The following FOXP2 variants were observed in gnomAD, a reference collection of about 807,000 sequenced individuals.
The protein encoded by FOXP2 is forkhead box P2.
A neutral mutation model predicts 115.8 loss-of-function variants in FOXP2; 12 were observed. The ratio of observed to expected loss-of-function variants is 0.10; its 90% CI spans 0.07 to 0.17. FOXP2 has a LOEUF of 0.17. FOXP2 is among the 10% of genes least tolerant of loss of function. The pLI, the probability that FOXP2 is intolerant of heterozygous loss-of-function variation, is 1.00. For missense variants in FOXP2, 629 were observed against 843.5 expected, an observed-to-expected ratio of 0.75 and a Z score of 3.15; for synonymous variants, 328 against 297.7, an observed-to-expected ratio of 1.10 and a Z score of -1.05.
chr7:114,447,354 C>G (rs891626236), intron 2 of FOXP2, among the ~76,000 whole-genome samples: 1 of 151,906 alleles, frequency 6.6e-6, no homozygotes, highest in African/African-American at 2.4e-5. Context: ...GGGTAAGCAC[C>G]CAGAAGATAC....
rs1005583281 is a variant in FOXP2, at chr7:114,447,725, C to T, written c.168+21046C>T. 2.0e-5 allele frequency among the ~76,000 whole-genome samples: 3 copies of T among 152,102 alleles called. 1 individual carries two copies. Among genetic ancestry groups the T allele is most frequent in the South Asian group, 4.1e-4 (2 of 4,824 alleles). Reference sequence around the variant, plus strand: ...ATTTCGGGGAGTCTCTATCTACCTACCCCCGACCCATACACAAATGCATAC... The same window carrying T: ...ATTTCGGGGAGTCTCTATCTACCTATCCCCGACCCATACACAAATGCATAC... On this transcript the variant is annotated intron_variant, in intron 2 of 16. Coordinates refer to ENST00000350908, the MANE Select transcript of FOXP2 (RefSeq NM_014491.4).
intron 2 of FOXP2, among the ~76,000 whole-genome samples, chr7:114,330,842 T>C (rs754641243): frequency 3.3e-5 from 5 of 152,180 alleles, no homozygotes; most frequent in Non-Finnish European, 7.3e-5. Flanking sequence ...TAAGCTGAGA[T>C]AGCTGAAGAG....
At chr7:114,102,683 C>A (rs1791011021) in intron 1 of FOXP2, among the ~76,000 whole-genome samples, 1 of 133,336 alleles carries the variant, frequency 7.5e-6, no homozygotes, top group African/African-American at 2.7e-5. Context: ...TACACACATA[C>A]AAACACCACA....
At chr7:114,422,122 A>T (rs1250853764) in intron 1 of FOXP2, among the ~76,000 whole-genome samples, 3 of 151,754 alleles carry the variant, frequency 2.0e-5, no homozygotes, top group African/African-American at 7.2e-5. Flanking sequence ...TTTAAATTTG[A>T]TGCCTTACTT....
At chr7:114,595,724 T>A (rs1458061269) in intron 3 of FOXP2, among the ~76,000 whole-genome samples, 1 of 151,248 alleles carries the variant, frequency 6.6e-6, no homozygotes, top group African/African-American at 2.4e-5. Flanking sequence ...ACATGGGGAG[T>A]CAAAAAAGGT....
intron 2 of FOXP2, among the ~76,000 whole-genome samples, chr7:114,489,022 A>G (rs1488566476): frequency 6.6e-6 from 1 of 152,164 alleles, no homozygotes; most frequent in African/African-American, 2.4e-5. Context: ...TCCACCTGCA[A>G]AAACAGATGT....
In FOXP2 at chr7:114,151,029, G is replaced by A. The variant is rs533605363; in HGVS notation, c.-246-11915G>A. 5.8e-4 allele frequency among the ~76,000 whole-genome samples: 88 copies of A among 152,028 alleles called. 1 individual carries two copies. The highest frequency in any genetic ancestry group is 3.9e-3 in the South Asian group (19 of 4,818). On this transcript the variant is annotated intron_variant, in intron 1 of 19. Transcript: ENST00000635638. ...GGAAAAGCTTTGAAGGGGTCATAAT[G>A]TCTCATCTCAGTTGTTAGAAATGGC...
chr7:114,302,358 C>T (rs2129178515), intron 2 of FOXP2, among the ~76,000 whole-genome samples: 1 of 152,132 alleles, frequency 6.6e-6, no homozygotes, highest in East Asian at 1.9e-4. Flanking sequence ...TACAAATATT[C>T]ATGTATTAAT....
chr7:114,411,676 T>G (rs957634420), upstream of FOXP2, among the ~76,000 whole-genome samples: 8 of 152,156 alleles, frequency 5.3e-5, no homozygotes, highest in African/African-American at 1.4e-4. Context: ...TTTTTCCTGT[T>G]AGTTTGTTCT....
intron 2 of FOXP2, among the ~76,000 whole-genome samples, chr7:114,439,949 G>C (rs191115257): frequency 2.0e-5 from 3 of 152,298 alleles, no homozygotes; most frequent in Admixed American, 2.0e-4. Flanking sequence ...AGTAAAGATG[G>C]TTGCTTACAT....
intron 1 of FOXP2, among the ~76,000 whole-genome samples, chr7:114,231,698 C>A (rs938794072): frequency 6.6e-6 from 1 of 152,078 alleles, no homozygotes; most frequent in Non-Finnish European, 1.5e-5. Context: ...GATTCTTATA[C>A]CATACATAAA....
intron 16 of FOXP2, among the ~76,000 whole-genome samples, chr7:114,679,965 G>A (rs1807999743): frequency 6.6e-6 from 1 of 152,092 alleles, no homozygotes; most frequent in Non-Finnish European, 1.5e-5. Flanking sequence ...TATCCCAGAA[G>A]TTTACACACA....
intron 3 of FOXP2, among the ~76,000 whole-genome samples, chr7:114,540,130 G>C (rs897437522): frequency 1.1e-4 from 16 of 151,942 alleles, no homozygotes; most frequent in Admixed American, 5.9e-4. Flanking sequence ...GCATTTGGCC[G>C]TAATTTGTTA....
chr7:114,503,591 T>G (rs1242219743), intron 2 of FOXP2, among the ~76,000 whole-genome samples: 3 of 150,840 alleles, frequency 2.0e-5, no homozygotes, highest in Non-Finnish European at 1.5e-5. Context: ...TAATATAATT[T>G]ATTTTGTTGG....
chr7:114,096,434 C>T (rs1359574067), intron 1 of FOXP2, among the ~76,000 whole-genome samples: 1 of 152,150 alleles, frequency 6.6e-6, no homozygotes, highest in Non-Finnish European at 1.5e-5. Context: ...TTTATCCCTT[C>T]TAACTTTGCT....
At chr7:114,367,353 G>C (rs1038954526) in intron 2 of FOXP2, among the ~76,000 whole-genome samples, 1 of 151,984 alleles carries the variant, frequency 6.6e-6, no homozygotes, top group Non-Finnish European at 1.5e-5. Flanking sequence ...GACTAAATGT[G>C]GTCTTTGAAA....
At chr7:114,521,282 A>G (rs1798609110) in intron 2 of FOXP2, among the ~76,000 whole-genome samples, 1 of 152,128 alleles carries the variant, frequency 6.6e-6, no homozygotes, top group East Asian at 1.9e-4. Flanking sequence ...AAATTCGTAA[A>G]CTGAATAACA....
intron 1 of FOXP2, chr7:114,088,391 T>C (rs1452167840): frequency 3.3e-5 from 5 of 152,242 alleles, no homozygotes; most frequent in Admixed American, 3.3e-4. Context: ...TCCCAACATG[T>C]CCAGAGTCTA....
At chr7:114,365,189 GCAGTATATATTT>G (rs376986800) in intron 2 of FOXP2, among the ~76,000 whole-genome samples, 66 of 152,050 alleles carry the variant, frequency 4.3e-4, no homozygotes, top group Non-Finnish European at 8.7e-4. Flanking sequence ...TCCTTTAAAG[GCAGTATATATTT>G]CAGTTTGTCA....
Sources: allele counts gnomAD v4.1 joint callset (sites outside exome capture counted in the v4.1 genomes callset), GRCh38; gene constraint gnomAD v4.1.1; transcripts MANE v1.5; gene names NCBI Gene and HGNC (gene_info 2026-07-23, HGNC 2026-07-21).